SATB2: variants seen among roughly 807,000 people sequenced by gnomAD.
SATB2 encodes the protein DNA-binding protein SATB2.
Under a neutral mutation model 73.4 loss-of-function variants are expected in SATB2, and 1 was observed. The observed-to-expected ratio is 0.01, with a 90% CI of 0.00 to 0.06. SATB2 has a LOEUF of 0.06. Among genes scored for constraint, SATB2 ranks in the 10% least tolerant of loss-of-function variants. The pLI, the probability that SATB2 is intolerant of heterozygous loss-of-function variation, is 1.00. For synonymous variants in SATB2, 397 were observed against 367.0 expected (o/e 1.08, Z -0.93); for missense variants, 459 against 945.8 (o/e 0.49, Z 6.75).
chr2:199,378,573 A>G (rs1214890037), intron 5 of SATB2, among the ~76,000 whole-genome samples: 1 of 152,212 alleles, frequency 6.6e-6, no homozygotes, highest in Non-Finnish European at 1.5e-5. Flanking sequence ...TTTTCTATCT[A>G]GCTGCCTATA....
intron 6 of SATB2, among the ~76,000 whole-genome samples, chr2:199,356,826 T>C (rs1469305917): frequency 1.3e-5 from 2 of 152,186 alleles, no homozygotes; most frequent in Non-Finnish European, 2.9e-5. Flanking sequence ...TCAAACTGTA[T>C]TGGCATTTCA....
At chr2:199,350,425 CAG>C (rs1294758162) in intron 6 of SATB2, among the ~76,000 whole-genome samples, 5 of 151,420 alleles carry the variant, frequency 3.3e-5, no homozygotes, top group African/African-American at 9.7e-5. Context: ...TGACTGAAAA[CAG>C]GGGAGTTGGT....
intron 2 of SATB2, among the ~76,000 whole-genome samples, chr2:199,445,305 G>A (rs1226417473): frequency 6.6e-6 from 1 of 152,120 alleles, no homozygotes; most frequent in South Asian, 2.1e-4. Flanking sequence ...CTGACCCTGC[G>A]CTAATTGGAA....
At chr2:199,388,892 T>C (rs1690036952) in intron 3 of SATB2, among the ~76,000 whole-genome samples, 1 of 152,166 alleles carries the variant, frequency 6.6e-6, no homozygotes, top group African/African-American at 2.4e-5. Context: ...ATTGCATCTG[T>C]TTATCTTCCT....
intron 10 of SATB2, among the ~76,000 whole-genome samples, chr2:199,294,591 T>C (rs760722069): frequency 6.6e-6 from 1 of 152,184 alleles, no homozygotes; most frequent in Non-Finnish European, 1.5e-5. Context: ...CTCTCAAAAG[T>C]GTAGCCCTAA....
chr2:199,388,425 A>G (rs1690023905), intron 3 of SATB2, among the ~76,000 whole-genome samples: 1 of 152,152 alleles, frequency 6.6e-6, no homozygotes, highest in South Asian at 2.1e-4. Flanking sequence ...AAGGCCTACA[A>G]CAGGCTGCCT....
At chr2:199,461,560 G>A (rs895989038), upstream of SATB2, among the ~76,000 whole-genome samples, 3 of 152,162 alleles carry the variant, frequency 2.0e-5, no homozygotes, top group Non-Finnish European at 2.9e-5. Flanking sequence ...TGTGCATTAG[G>A]AGATAGTTTG....
At chr2:199,395,254 G>T (rs1378491358) in intron 3 of SATB2, among the ~76,000 whole-genome samples, 2 of 152,088 alleles carry the variant, frequency 1.3e-5, no homozygotes, top group African/African-American at 2.4e-5. Flanking sequence ...AATCCATCAA[G>T]AAATTGGGCA....
At chr2:199,300,986 C>T (rs1016695647) in intron 10 of SATB2, among the ~76,000 whole-genome samples, 7 of 151,838 alleles carry the variant, frequency 4.6e-5, no homozygotes, top group Non-Finnish European at 1.0e-4. Context: ...AGAACCACCC[C>T]ATGATGAATG....
At chr2:199,379,762 A>C (rs1689714054) in intron 5 of SATB2, among the ~76,000 whole-genome samples, 1 of 150,468 alleles carries the variant, frequency 6.6e-6, no homozygotes, top group Non-Finnish European at 1.5e-5. Context: ...TCCAAGGCTC[A>C]AGGAATCCTC....
chr2:199,377,092 AG>A (rs1266447751), intron 5 of SATB2, among the ~76,000 whole-genome samples: 2 of 152,188 alleles, frequency 1.3e-5, no homozygotes, highest in African/African-American at 4.8e-5. Context: ...TTTAAAACAC[AG>A]GGGCCAGGAG....
In SATB2 at chr2:199,367,882, T is replaced by A. The variant is rs77052830; in HGVS notation, c.700+723A>T. Among the ~76,000 whole-genome samples the A allele has an allele frequency of 7.6e-3, 1,151 of 152,228 alleles. 13 individuals carry two copies. Among genetic ancestry groups the A allele is most frequent in the African/African-American group, 0.026 (1,081 of 41,546 alleles). ...TCTAGGTGATCTAAATAGCATGCTATTTACTACACAAAGGAACTTTATTTT... is the reference window on the plus strand; with the variant it reads ...TCTAGGTGATCTAAATAGCATGCTAATTACTACACAAAGGAACTTTATTTT... On this transcript the variant is annotated intron_variant, in intron 6 of 10. Transcript: ENST00000417098.
chr2:199,357,997 T>C (rs1022914710), intron 6 of SATB2, among the ~76,000 whole-genome samples: 6 of 152,126 alleles, frequency 3.9e-5, no homozygotes, highest in Non-Finnish European at 5.9e-5. Flanking sequence ...CTATATGAAA[T>C]TGGCGATACG....
At chr2:199,362,455 G>A (rs1689167900) in intron 6 of SATB2, among the ~76,000 whole-genome samples, 2 of 148,396 alleles carry the variant, frequency 1.3e-5, no homozygotes, top group Admixed American at 1.4e-4. Context: ...ATATTTACCA[G>A]ATCCATTTAT....
intron 4 of SATB2, among the ~76,000 whole-genome samples, chr2:199,381,383 G>A (rs1405279844): frequency 2.6e-5 from 4 of 152,160 alleles, no homozygotes; most frequent in African/African-American, 9.7e-5. Flanking sequence ...AGGCCTAGAG[G>A]ACCCATTGAA....
upstream of SATB2, among the ~76,000 whole-genome samples, chr2:199,459,047 C>A (rs1692395968): frequency 6.6e-6 from 1 of 152,090 alleles, no homozygotes; most frequent in Non-Finnish European, 1.5e-5. The surrounding 1 kb of genome is among the most constrained non-coding windows in gnomAD (Gnocchi z 4.2). Flanking sequence ...GATGGCATCG[C>A]TGGAGCGCTC....
At chr2:199,332,625 T>C (rs146287027) in intron 7 of SATB2, among the ~76,000 whole-genome samples, 230 of 152,294 alleles carry the variant, frequency 1.5e-3, no homozygotes, top group African/African-American at 5.3e-3. Flanking sequence ...CTTATTTTTT[T>C]CTAGTATTTT....
chr2:199,431,873 C>T (rs1486898844), intron 3 of SATB2, among the ~76,000 whole-genome samples: 1 of 152,164 alleles, frequency 6.6e-6, no homozygotes, highest in Non-Finnish European at 1.5e-5. Flanking sequence ...GATACAATGA[C>T]CTTTACATTC....
At chr2:199,431,804 T>A (rs1691511669) in intron 3 of SATB2, among the ~76,000 whole-genome samples, 1 of 152,152 alleles carries the variant, frequency 6.6e-6, no homozygotes, top group Non-Finnish European at 1.5e-5. Flanking sequence ...ACGGCTGTGC[T>A]AACTGAGATG....
Sources: allele counts gnomAD v4.1 joint callset (sites outside exome capture counted in the v4.1 genomes callset), GRCh38; gene constraint gnomAD v4.1.1; non-coding constraint Gnocchi (gnomAD v3.1); transcripts MANE v1.5; gene names NCBI Gene and HGNC (gene_info 2026-07-23, HGNC 2026-07-21).